The following ADK variants were observed in gnomAD, a reference collection of about 807,000 sequenced individuals.
ADK encodes the protein N6,N6-dimethyladenosine kinase.
ADK carries 24 observed loss-of-function variants against 44.7 expected under a neutral mutation model. The observed-to-expected ratio is 0.54, with a 90% CI of 0.39 to 0.76. The LOEUF (loss-of-function observed/expected upper bound fraction) is 0.76, where lower values mean the gene tolerates loss of function less well. Ranked by LOEUF, ADK falls within the 30% of genes least tolerant of loss-of-function variation. The pLI, the probability that ADK is intolerant of heterozygous loss-of-function variation, is 0.00. For missense variants in ADK, 321 were observed against 425.1 expected (o/e 0.76, Z 2.15); for synonymous variants, 128 against 142.6 (o/e 0.90, Z 0.73).
chr10:74,518,862 A>T (rs1848699626), intron 6 of ADK, among the ~76,000 whole-genome samples: 1 of 152,086 alleles, frequency 6.6e-6, no homozygotes, highest in Admixed American at 6.5e-5. Flanking sequence ...TTATAATCAT[A>T]CTGTGTACAC....
chr10:74,171,857 G>T (rs1458265110), intron 1 of ADK, among the ~76,000 whole-genome samples: 1 of 151,316 alleles, frequency 6.6e-6, no homozygotes, highest in Non-Finnish European at 1.5e-5. Flanking sequence ...TAGAAAAAGA[G>T]TAGAATGGAA....
intron 4 of ADK, among the ~76,000 whole-genome samples, chr10:74,345,611 A>G (rs1275113288): frequency 6.6e-6 from 1 of 152,132 alleles, no homozygotes; most frequent in Non-Finnish European, 1.5e-5. Context: ...TCCAGCCTGC[A>G]TGATATATTT....
intron 7 of ADK, among the ~76,000 whole-genome samples, chr10:74,533,604 AAAC>A (rs1393310913): frequency 7.2e-5 from 11 of 152,240 alleles, no homozygotes; most frequent in Non-Finnish European, 1.3e-4. Flanking sequence ...CCCACGTAAC[AAAC>A]AACTGCACGG....
chr10:74,452,386 T>C (rs1274149865), intron 6 of ADK, among the ~76,000 whole-genome samples: 1 of 152,026 alleles, frequency 6.6e-6, no homozygotes, highest in Non-Finnish European at 1.5e-5. Context: ...CTGTCTCTAA[T>C]TGATTGACAC....
chr10:74,476,436 G>A, intron 6 of ADK, among the ~76,000 whole-genome samples: 1 of 151,546 alleles, frequency 6.6e-6, no homozygotes. Context: ...AGGTTGCAGT[G>A]AGTCAAGATC....
chr10:74,382,694 A>G (rs1843012396), intron 4 of ADK, among the ~76,000 whole-genome samples: 2 of 152,148 alleles, frequency 1.3e-5, no homozygotes, highest in Non-Finnish European at 2.9e-5. Context: ...GTATTTTAAA[A>G]TTTTGGTAAA....
intron 2 of ADK, among the ~76,000 whole-genome samples, chr10:74,215,230 T>A (rs1843966213): frequency 6.6e-6 from 1 of 152,210 alleles, no homozygotes. Context: ...AAAGAATACC[T>A]ATCTATGCCA....
At chr10:74,375,757 A>G (rs898016333) in intron 4 of ADK, among the ~76,000 whole-genome samples, 3 of 152,128 alleles carry the variant, frequency 2.0e-5, no homozygotes, top group Admixed American at 6.6e-5. Flanking sequence ...AGTCTAAGCT[A>G]TCAGTATTTT....
chr10:74,218,721 C>A (rs1383971592), intron 2 of ADK, among the ~76,000 whole-genome samples: 5 of 152,166 alleles, frequency 3.3e-5, no homozygotes, highest in Admixed American at 6.5e-5. Context: ...ATTCAACATT[C>A]TTAAAGAAAA....
intron 6 of ADK, among the ~76,000 whole-genome samples, chr10:74,521,783 T>C (rs1229186666): frequency 6.6e-6 from 1 of 152,186 alleles, no homozygotes; most frequent in Non-Finnish European, 1.5e-5. Context: ...TGGATGCTCA[T>C]AGTTTGCAAG....
chr10:74,597,221 ATCT>A (rs779066773), intron 8 of ADK, among the ~76,000 whole-genome samples: 1 of 152,330 alleles, frequency 6.6e-6, no homozygotes, highest in South Asian at 2.1e-4. Flanking sequence ...CACTTACCTC[ATCT>A]TCTTTCATCC....
chr10:74,361,842 G>A (rs558099210), intron 4 of ADK, among the ~76,000 whole-genome samples: 2 of 152,270 alleles, frequency 1.3e-5, no homozygotes, highest in South Asian at 4.1e-4. Context: ...CAGTAATCTT[G>A]GTTGACAGTT....
intron 6 of ADK, among the ~76,000 whole-genome samples, chr10:74,471,187 G>A (rs922865524): frequency 6.6e-6 from 1 of 151,352 alleles, no homozygotes; most frequent in African/African-American, 2.4e-5. Context: ...CCATTCTCCT[G>A]CCTCAGCCTC....
At chr10:74,460,364 A>T (rs1173583054) in intron 6 of ADK, among the ~76,000 whole-genome samples, 1 of 152,200 alleles carries the variant, frequency 6.6e-6, no homozygotes, top group South Asian at 2.1e-4. Context: ...TCTTGTGCTT[A>T]TGAGCCTGCT....
chr10:74,249,831 G>A (rs1027356767), intron 3 of ADK, among the ~76,000 whole-genome samples: 5 of 152,282 alleles, frequency 3.3e-5, no homozygotes, highest in African/African-American at 1.2e-4. Context: ...ATCAATTCAT[G>A]TATTTATTCA....
At chr10:74,230,839 G>T (rs1031293582) in intron 3 of ADK, among the ~76,000 whole-genome samples, 1 of 151,900 alleles carries the variant, frequency 6.6e-6, no homozygotes, top group Admixed American at 6.6e-5. Context: ...CTGCCACCAC[G>T]TCTGGCTAAT....
At chr10:74,460,176 G>A (rs149388271) in intron 6 of ADK, among the ~76,000 whole-genome samples, 34 of 152,096 alleles carry the variant, frequency 2.2e-4, no homozygotes, top group East Asian at 1.7e-3. Context: ...TGCTTTGAGC[G>A]TTATTCTCCC....
intron 3 of ADK, among the ~76,000 whole-genome samples, chr10:74,266,053 T>G (rs1481191158): frequency 6.6e-6 from 1 of 152,090 alleles, no homozygotes; most frequent in Non-Finnish European, 1.5e-5. Context: ...GATGATGTGT[T>G]GATGTGTATG....
chr10:74,657,184 G>A (rs1013211688), intron 9 of ADK, among the ~76,000 whole-genome samples: 2 of 152,170 alleles, frequency 1.3e-5, no homozygotes, highest in East Asian at 1.9e-4. Flanking sequence ...GCCACTGCAC[G>A]TGGTCAGCCT....
Sources: allele counts gnomAD v4.1 joint callset (sites outside exome capture counted in the v4.1 genomes callset), GRCh38; gene constraint gnomAD v4.1.1; transcripts MANE v1.5; gene names NCBI Gene and HGNC (gene_info 2026-07-23, HGNC 2026-07-21).